ARMC2: variants seen among roughly 807,000 people sequenced by gnomAD.
ARMC2 encodes the protein armadillo repeat-containing protein 2.
Under a neutral mutation model 90.3 loss-of-function variants are expected in ARMC2, and 67 were observed. The observed-to-expected ratio is 0.74, with a 90% CI of 0.61 to 0.91. The LOEUF (loss-of-function observed/expected upper bound fraction) is 0.91. Among genes scored for constraint, ARMC2 ranks in the 40% least tolerant of loss-of-function variants. The pLI is 0.00. For synonymous variants in ARMC2, 393 were observed against 393.0 expected, an observed-to-expected ratio of 1.00 and a Z score of 0.00; for missense variants, 920 against 1,030.9, an observed-to-expected ratio of 0.89 and a Z score of 1.47.
intron 10 of ARMC2, among the ~76,000 whole-genome samples, chr6:108,922,721 T>A (rs1774707092): frequency 1.3e-5 from 2 of 152,208 alleles, no homozygotes. Context: ...CTGGGTAGCT[T>A]TGCCAAGTCT....
At chr6:108,922,425 ACTGGGCCCAGCCCC>A (rs1774675051) in intron 10 of ARMC2, among the ~76,000 whole-genome samples, 1 of 152,182 alleles carries the variant, frequency 6.6e-6, no homozygotes, top group Admixed American at 6.5e-5. Flanking sequence ...GACCTGAGCC[ACTGGGCCCAGCCCC>A]ATATTTTAAG....
the ARMC2 span, among the ~76,000 whole-genome samples, chr6:108,995,964 C>T: frequency 6.6e-6 from 1 of 152,180 alleles, no homozygotes; most frequent in East Asian, 1.9e-4. Flanking sequence ...CTGTCATTTA[C>T]CCCACAAGCT....
chr6:108,989,428 TATATCTAGATCTAGATAC>T, the ARMC2 span, among the ~76,000 whole-genome samples: 2 of 149,206 alleles, frequency 1.3e-5, no homozygotes, highest in Non-Finnish European at 2.9e-5. Flanking sequence ...TCTAGAGATA[TATATCTAGATCTAGATAC>T]ATCTCTATAT....
the ARMC2 span, chr6:108,998,850 CA>C: frequency 7.2e-7 from 1 of 1,382,592 alleles, no homozygotes; most frequent in Admixed American, 2.4e-5. Flanking sequence ...AAACATGAGT[CA>C]TCATACAAAG....
intron 3 of ARMC2, among the ~76,000 whole-genome samples, chr6:108,868,339 A>G (rs946802586): frequency 6.6e-6 from 1 of 151,942 alleles, no homozygotes; most frequent in African/African-American, 2.4e-5. Flanking sequence ...GCCTCAGCCT[A>G]CTGAGTAGCT....
At chr6:108,913,447 A>T (rs1773636184) in intron 10 of ARMC2, among the ~76,000 whole-genome samples, 1 of 152,226 alleles carries the variant, frequency 6.6e-6, no homozygotes, top group Non-Finnish European at 1.5e-5. Context: ...TCTTTTAGTC[A>T]TCAATGATGC....
rs569455929 is a variant in ARMC2 at position 108,930,589 on chromosome 6, A to C, written c.1496+2356A>C. On this transcript the variant is annotated intron_variant, in intron 11 of 17. Coordinates refer to ENST00000392644, the MANE Select transcript of ARMC2 (RefSeq NM_032131.6). ...TAAGTTTTGTCAAATGCTTGCCCTG[A>C]ATCTTTTTTTTTTTTTTTTTTTTTT... Among the ~76,000 whole-genome samples, 306 of 144,750 alleles carry C rather than the reference A, an allele frequency of 2.1e-3. 3 individuals carry two copies. Among genetic ancestry groups the C allele is most frequent in the African/African-American group, 7.6e-3 (294 of 38,878 alleles). 95.0% of individuals were successfully genotyped at this position (144,750 alleles called of 152,430 possible).
At chr6:109,015,838 T>G in the ARMC2 span, among the ~76,000 whole-genome samples, 1 of 152,234 alleles carries the variant, frequency 6.6e-6, no homozygotes, top group African/African-American at 2.4e-5. Context: ...CTCTGTGTTG[T>G]ATAATTTTTC....
chr6:109,030,200 C>T, the ARMC2 span, among the ~76,000 whole-genome samples: 4 of 152,134 alleles, frequency 2.6e-5, no homozygotes, highest in African/African-American at 4.8e-5. Context: ...CACTTTAGTA[C>T]ATAACAAGAA....
intron 5 of ARMC2, among the ~76,000 whole-genome samples, chr6:108,882,508 C>A (rs1487674217): frequency 6.7e-6 from 1 of 149,742 alleles, no homozygotes; most frequent in Non-Finnish European, 1.5e-5. Flanking sequence ...ATTCTAAGCC[C>A]ATATAAGGAG....
the ARMC2 span, among the ~76,000 whole-genome samples, chr6:109,007,510 T>C: frequency 1.1e-4 from 17 of 152,202 alleles, no homozygotes; most frequent in African/African-American, 3.9e-4. Context: ...AGTAATTTTA[T>C]TTTTTAAATT....
At chr6:108,909,236 A>G (rs543003390) in intron 8 of ARMC2, among the ~76,000 whole-genome samples, 7 of 152,142 alleles carry the variant, frequency 4.6e-5, no homozygotes, top group South Asian at 2.1e-4. Flanking sequence ...TCCATCTAAC[A>G]GTAGGTTACA....
At chr6:108,963,973 G>T (rs572803923) in intron 15 of ARMC2, among the ~76,000 whole-genome samples, 1 of 152,302 alleles carries the variant, frequency 6.6e-6, no homozygotes, top group South Asian at 2.1e-4. Context: ...AGTATCTGTC[G>T]ATTGGGGGAG....
At chr6:108,864,169 G>A (rs1200633270) in intron 3 of ARMC2, among the ~76,000 whole-genome samples, 2 of 152,072 alleles carry the variant, frequency 1.3e-5, no homozygotes, top group Non-Finnish European at 2.9e-5. Flanking sequence ...CAGTGTACCT[G>A]TGGAGAAAAT....
chr6:108,958,731 A>T (rs1320479494), intron 13 of ARMC2, among the ~76,000 whole-genome samples: 2 of 152,210 alleles, frequency 1.3e-5, no homozygotes, highest in Non-Finnish European at 2.9e-5. Flanking sequence ...TGGATGGCCC[A>T]TCTGTTCATG....
rs530097174 is a variant in ARMC2 at position 108,930,155 on chromosome 6, C to G, written c.1496+1922C>G. Among the ~76,000 whole-genome samples, 19 of 151,554 alleles carry G rather than the reference C, an allele frequency of 1.3e-4. No individual in the cohort carries two copies. The South Asian group carries it at 1.7e-3, about 13-fold the overall frequency. On this transcript the variant is annotated intron_variant, in intron 11 of 17. Transcript: ENST00000392644. ...AAAAAAAAAAAGAATCCAAACTCTT[C>G]TTGTTCTTTTCCCTTCCTTATGAAC... is the stretch of plus-strand genomic sequence containing the variant.
chr6:108,973,402 A>G lies in ARMC2; in HGVS notation c.2492A>G (p.Asn831Ser), dbSNP rs776237418. 18 of 1,613,740 alleles carry G rather than the reference A, an allele frequency of 1.1e-5. No homozygotes were observed. The highest frequency in any genetic ancestry group is 1.5e-5 in the Non-Finnish European group (18 of 1,179,788). ...LDGSFDPDLK[N>S]YHKLHWETEF... Reference sequence around the variant, plus strand: ...GGCAGTTTTGATCCAGACCTAAAAAACTATCACAAACTCCATTGGGAAACA... The same window carrying G: ...GGCAGTTTTGATCCAGACCTAAAAAGCTATCACAAACTCCATTGGGAAACA... Residue 831 changes from asparagine (N) to serine (S), a missense_variant, in exon 18 of 18, where the codon AAC becomes AGC. By Grantham distance (46) the Asn-to-Ser change is conservative. Transcript: ENST00000392644.
At chr6:108,932,234 A>C (rs1054189841) in intron 11 of ARMC2, among the ~76,000 whole-genome samples, 4 of 148,232 alleles carry the variant, frequency 2.7e-5, no homozygotes, top group African/African-American at 1.0e-4. Flanking sequence ...TAGAGCTCTT[A>C]AATTTAATTA....
chr6:108,961,561 C>G lies in ARMC2; in HGVS notation c.1916-11C>G. ...TGGGTCTTTGACTCCCTTATCCTTA[C>G]TTCATTTCAGAATACAAGTCACTTG... On this transcript the variant is annotated splice_polypyrimidine_tract_variant and intron_variant, in intron 13 of 17. Transcript: ENST00000392644. 1 of 1,599,018 alleles carries G rather than the reference C, an allele frequency of 6.3e-7. No homozygotes were observed. Among genetic ancestry groups the G allele is most frequent in the East Asian group, 2.2e-5 (1 of 44,628 alleles).
Sources: allele counts gnomAD v4.1 joint callset (sites outside exome capture counted in the v4.1 genomes callset), GRCh38; gene constraint gnomAD v4.1.1; transcripts MANE v1.5; gene names NCBI Gene and HGNC (gene_info 2026-07-23, HGNC 2026-07-21).